Variants in DYNC1I1 observed in about 807,000 individuals in gnomAD.
DYNC1I1 encodes cytoplasmic dynein 1 intermediate chain 1.
In DYNC1I1, 43 loss-of-function variants were observed where a neutral mutation model predicts 86.6. The ratio of observed to expected loss-of-function variants is 0.50; its 90% CI spans 0.39 to 0.64. DYNC1I1 has a LOEUF of 0.64. Ranked by LOEUF, DYNC1I1 falls within the 30% of genes least tolerant of loss-of-function variation. The pLI is 0.00. For missense variants in DYNC1I1, 604 were observed against 788.8 expected (o/e 0.77, Z 2.81); for synonymous variants, 262 against 283.7 (o/e 0.92, Z 0.77).
chr7:95,786,242 A>T (rs532898395), intron 1 of DYNC1I1, among the ~76,000 whole-genome samples: 7 of 152,086 alleles, frequency 4.6e-5, no homozygotes, highest in Non-Finnish European at 1.0e-4. Flanking sequence ...CCATTTGACC[A>T]TATGCTACAG....
chr7:95,813,842 G>A (rs1324689318), intron 4 of DYNC1I1, among the ~76,000 whole-genome samples: 1 of 152,134 alleles, frequency 6.6e-6, no homozygotes, highest in East Asian at 1.9e-4. Context: ...ATTGGTAGTA[G>A]TAGTATCAGG....
At chr7:96,010,250 C>T (rs536049863) in intron 10 of DYNC1I1, among the ~76,000 whole-genome samples, 1 of 152,120 alleles carries the variant, frequency 6.6e-6, no homozygotes, top group African/African-American at 2.4e-5. Context: ...ACACCCCAGC[C>T]GCCGCATTGT....
At chr7:95,915,357 G>A (rs1330916684) in intron 6 of DYNC1I1, among the ~76,000 whole-genome samples, 2 of 152,180 alleles carry the variant, frequency 1.3e-5, no homozygotes, top group African/African-American at 4.8e-5. Flanking sequence ...CTAAAGAGAT[G>A]GGTTGCTGGG....
At chr7:95,902,400 G>A (rs1791062817) in intron 6 of DYNC1I1, among the ~76,000 whole-genome samples, 1 of 152,110 alleles carries the variant, frequency 6.6e-6, no homozygotes, top group African/African-American at 2.4e-5. Flanking sequence ...TTGCTACACT[G>A]GTTTTAGCTT....
intron 6 of DYNC1I1, among the ~76,000 whole-genome samples, chr7:95,944,156 A>G (rs1419540042): frequency 6.6e-6 from 1 of 152,204 alleles, no homozygotes; most frequent in African/African-American, 2.4e-5. Context: ...AGCATCTACA[A>G]TGAACTCAAA....
At chr7:95,931,037 T>G (rs560993460) in intron 6 of DYNC1I1, among the ~76,000 whole-genome samples, 1 of 152,352 alleles carries the variant, frequency 6.6e-6, no homozygotes, top group South Asian at 2.1e-4. Flanking sequence ...AAAAACTGGT[T>G]AATTCAGAGT....
At chr7:95,810,664 A>G (rs1794809669) in intron 3 of DYNC1I1, among the ~76,000 whole-genome samples, 158 bp downstream of exon 3, 1 of 139,688 alleles carries the variant, frequency 7.2e-6, no homozygotes, top group Non-Finnish European at 1.5e-5. Flanking sequence ...TGTTTTTGGA[A>G]TTGAGGGGGC....
intron 5 of DYNC1I1, among the ~76,000 whole-genome samples, chr7:95,836,421 T>G (rs1789093146): frequency 6.6e-6 from 1 of 151,388 alleles, no homozygotes; most frequent in Non-Finnish European, 1.5e-5. Context: ...CATTTCAACT[T>G]TGGTGAATCT....
At chr7:95,932,095 G>A (rs1791914738) in intron 6 of DYNC1I1, among the ~76,000 whole-genome samples, 1 of 152,070 alleles carries the variant, frequency 6.6e-6, no homozygotes. Context: ...AAGATTTGCT[G>A]TTCATGTCAA....
At chr7:95,998,667 G>T (rs1410124263) in intron 10 of DYNC1I1, among the ~76,000 whole-genome samples, 2 of 152,216 alleles carry the variant, frequency 1.3e-5, no homozygotes, top group Non-Finnish European at 2.9e-5. Flanking sequence ...AAAGGGCAGA[G>T]GTAGAGAGTA....
chr7:96,005,584 T>C (rs1794121448), intron 10 of DYNC1I1, among the ~76,000 whole-genome samples: 1 of 152,108 alleles, frequency 6.6e-6, no homozygotes. Context: ...CAGTATCCCA[T>C]CCTCTGATCC....
At chr7:96,013,892 G>A (rs1794340289) in intron 10 of DYNC1I1, among the ~76,000 whole-genome samples, 1 of 152,156 alleles carries the variant, frequency 6.6e-6, no homozygotes, top group Non-Finnish European at 1.5e-5. Flanking sequence ...TTGTACCCAT[G>A]AAGAAATTAA....
At chr7:96,080,877 C>A (rs1487540421) in intron 16 of DYNC1I1, among the ~76,000 whole-genome samples, 1 of 151,988 alleles carries the variant, frequency 6.6e-6, no homozygotes, top group Non-Finnish European at 1.5e-5. Flanking sequence ...CGAGACCAGG[C>A]TGGCCAACGT....
intron 14 of DYNC1I1, among the ~76,000 whole-genome samples, chr7:96,065,378 C>CTTTTTTTTTTTTTTTTTTTT (rs34423655): frequency 6.3e-5 from 8 of 127,584 alleles, no homozygotes; most frequent in Non-Finnish European, 9.7e-5. Context: ...TTCTTTCTTT[C>CTTTTTTTTTTTTTTTTTTTT]TTTTTTTTTT....
At chr7:95,870,121 T>C (rs1790124533) in intron 6 of DYNC1I1, 123 bp downstream of exon 6, 2 of 812,920 alleles carry the variant, frequency 2.5e-6, no homozygotes, top group East Asian at 3.0e-5. Flanking sequence ...ATAATGACAC[T>C]GAAAGCCAAA....
At chr7:95,966,604 G>A (rs10232415) in intron 6 of DYNC1I1, among the ~76,000 whole-genome samples, 2,891 of 152,322 alleles carry the variant, frequency 0.019, 111 homozygotes, top group African/African-American at 0.066. Flanking sequence ...CTACTGCTGC[G>A]TGTAGCTCAT....
At chr7:96,013,005 C>A (rs1228158017) in intron 10 of DYNC1I1, among the ~76,000 whole-genome samples, 1 of 151,928 alleles carries the variant, frequency 6.6e-6, no homozygotes, top group Non-Finnish European at 1.5e-5. Context: ...TAAAAGACTA[C>A]AAATAGGGTA....
intron 1 of DYNC1I1, among the ~76,000 whole-genome samples, chr7:95,796,456 G>A (rs181255196): frequency 5.7e-4 from 86 of 152,172 alleles, no homozygotes; most frequent in African/African-American, 1.9e-3. Context: ...GATTACAGGC[G>A]CATGCCACCA....
intron 11 of DYNC1I1, among the ~76,000 whole-genome samples, chr7:96,031,361 G>T (rs926419022): frequency 1.3e-5 from 2 of 152,134 alleles, no homozygotes; most frequent in Non-Finnish European, 2.9e-5. Context: ...GAGTAACAGG[G>T]AACAACTATC....
Sources: gnomAD v4.1 joint callset for allele counts (sites outside exome capture counted in the v4.1 genomes callset) on GRCh38, gnomAD v4.1.1 for gene constraint, MANE v1.5 for transcripts, NCBI Gene and HGNC (gene_info 2026-07-23, HGNC 2026-07-21) for gene names.